GPATCH2: variants seen among roughly 807,000 people sequenced by gnomAD.
The protein encoded by GPATCH2 is G patch domain-containing protein 2.
A neutral mutation model predicts 58.0 loss-of-function variants in GPATCH2; 51 were observed. The ratio of observed to expected loss-of-function variants is 0.88; its 90% CI spans 0.70 to 1.11. The LOEUF is 1.11. Among genes scored for constraint, GPATCH2 ranks in the 50% most tolerant of loss-of-function variants. GPATCH2 has a pLI of 0.00. For missense variants in GPATCH2, 625 were observed against 652.2 expected (o/e 0.96, Z 0.45); for synonymous variants, 222 against 218.5 (o/e 1.02, Z -0.14).
intron 8 of GPATCH2, among the ~76,000 whole-genome samples, chr1:217,491,049 T>A (rs1410366032): frequency 6.6e-6 from 1 of 152,222 alleles, no homozygotes; most frequent in Non-Finnish European, 1.5e-5. Context: ...AGGTCAGTTA[T>A]CTGTTCTTAA....
At chr1:217,520,751 A>G (rs1663411009) in intron 5 of GPATCH2, among the ~76,000 whole-genome samples, 1 of 152,190 alleles carries the variant, frequency 6.6e-6, no homozygotes, top group Non-Finnish European at 1.5e-5. Flanking sequence ...ATGATCACAA[A>G]AGATATATCA....
intron 5 of GPATCH2, among the ~76,000 whole-genome samples, chr1:217,588,620 T>A (rs1275433759): frequency 1.3e-5 from 2 of 152,092 alleles, no homozygotes; most frequent in Admixed American, 1.3e-4. Flanking sequence ...AAAAATAAAA[T>A]AAATAGTGCA....
chr1:217,514,285 G>A (rs1451356690), intron 6 of GPATCH2, among the ~76,000 whole-genome samples: 1 of 151,450 alleles, frequency 6.6e-6, no homozygotes, highest in Non-Finnish European at 1.5e-5. Flanking sequence ...TCAGCCTCCT[G>A]AGTAGCTGGG....
chr1:217,539,699 G>A (rs1400780455), intron 5 of GPATCH2, among the ~76,000 whole-genome samples: 1 of 152,090 alleles, frequency 6.6e-6, no homozygotes, highest in Non-Finnish European at 1.5e-5. Context: ...TAATAAATCT[G>A]AAACAAGGCA....
intron 5 of GPATCH2, among the ~76,000 whole-genome samples, chr1:217,584,765 T>C (rs1343864350): frequency 6.6e-6 from 1 of 151,978 alleles, no homozygotes; most frequent in Non-Finnish European, 1.5e-5. Context: ...AAAAAAACTT[T>C]TAAAATGTTA....
chr1:217,586,994 A>G (rs1667371048), intron 5 of GPATCH2, among the ~76,000 whole-genome samples: 1 of 152,170 alleles, frequency 6.6e-6, no homozygotes, highest in Non-Finnish European at 1.5e-5. Context: ...CTTCTGGGAG[A>G]AGAGGTGATA....
At chr1:217,444,583 T>C (rs1419851623) in intron 9 of GPATCH2, among the ~76,000 whole-genome samples, 4 of 152,212 alleles carry the variant, frequency 2.6e-5, no homozygotes, top group Non-Finnish European at 4.4e-5. Context: ...CTGTACTGAA[T>C]GATAATGGAA....
At chr1:217,448,994 G>T (rs1021713651) in intron 9 of GPATCH2, among the ~76,000 whole-genome samples, 1 of 152,116 alleles carries the variant, frequency 6.6e-6, no homozygotes, top group Non-Finnish European at 1.5e-5. Context: ...TATAGCCTTT[G>T]AAGTTTTTGT....
At chr1:217,550,284 TAC>T (rs779266424) in intron 5 of GPATCH2, among the ~76,000 whole-genome samples, 9 of 152,130 alleles carry the variant, frequency 5.9e-5, no homozygotes, top group Non-Finnish European at 1.2e-4. Flanking sequence ...ACCAAAGACC[TAC>T]CACATAGTAA....
chr1:217,608,568 C>A (rs1424218647), intron 5 of GPATCH2: 3 of 985,096 alleles, frequency 3.0e-6, no homozygotes, highest in African/African-American at 1.7e-5. Flanking sequence ...CAAATCCCAG[C>A]TATGCTCAAG....
chr1:217,550,516 CATT>C (rs1220000867), intron 5 of GPATCH2, among the ~76,000 whole-genome samples: 3 of 151,812 alleles, frequency 2.0e-5, no homozygotes, highest in African/African-American at 7.3e-5. Context: ...ATGCTATCAT[CATT>C]AATTAAAATT....
chr1:217,502,966 C>T (rs1305232276), intron 6 of GPATCH2, among the ~76,000 whole-genome samples: 5 of 152,092 alleles, frequency 3.3e-5, no homozygotes, highest in African/African-American at 1.2e-4. Flanking sequence ...TTCTACCTGC[C>T]TGTTTAGGTA....
intron 5 of GPATCH2, among the ~76,000 whole-genome samples, chr1:217,515,251 A>C (rs1447900707): frequency 6.6e-6 from 1 of 151,598 alleles, no homozygotes; most frequent in Non-Finnish European, 1.5e-5. Context: ...ACCCGCCACC[A>C]CGCCCGGCTA....
intron 5 of GPATCH2, among the ~76,000 whole-genome samples, chr1:217,539,819 G>A (rs1664646721): frequency 6.6e-6 from 1 of 152,094 alleles, no homozygotes; most frequent in Non-Finnish European, 1.5e-5. Flanking sequence ...TCAATGCATA[G>A]GAAACAATGG....
intron 5 of GPATCH2, among the ~76,000 whole-genome samples, chr1:217,550,358 C>T (rs1293929242): frequency 6.6e-6 from 1 of 152,054 alleles, no homozygotes; most frequent in Non-Finnish European, 1.5e-5. Context: ...AACCTACCTG[C>T]TCAGTGCTGA....
chr1:217,588,035 A>G (rs1667419213), intron 5 of GPATCH2, among the ~76,000 whole-genome samples: 2 of 152,156 alleles, frequency 1.3e-5, no homozygotes, highest in Non-Finnish European at 2.9e-5. Flanking sequence ...AGCTTTCTAG[A>G]CAGGTGACTA....
Position 217,626,985 on chromosome 1 carries a change from GAAA to G in GPATCH2, c.56+3928_56+3930del, listed in dbSNP as rs139150734. 3.4e-5 allele frequency among the ~76,000 whole-genome samples: 5 copies of G among 145,202 alleles called. No individual in the cohort carries two copies. In the Admixed American group the frequency reaches 3.4e-4, roughly 10 times the overall value. ...TAAATAGGAAACACCATTCTCTAGG[GAAA>G]AAAAAAAGGCTGGGAGAAAACTACA... is the stretch of plus-strand genomic sequence containing the variant. On this transcript the variant is annotated intron_variant, in intron 1 of 9. Transcript: ENST00000366935.
At chr1:217,571,703 C>CAA (rs11463536) in intron 5 of GPATCH2, among the ~76,000 whole-genome samples, 12,116 of 73,464 alleles carry the variant, frequency 0.16, 1,172 homozygotes, top group Non-Finnish European at 0.22. Flanking sequence ...AAAACGAAAC[C>CAA]AAAAAAAAAA....
intron 3 of GPATCH2, among the ~76,000 whole-genome samples, chr1:217,613,562 G>A (rs1668738180): frequency 6.6e-6 from 1 of 151,892 alleles, no homozygotes; most frequent in Non-Finnish European, 1.5e-5. Flanking sequence ...CCCTTATTAA[G>A]GTTTTTTTAA....
Sources: gnomAD v4.1 joint callset for allele counts (sites outside exome capture counted in the v4.1 genomes callset) on GRCh38, gnomAD v4.1.1 for gene constraint, MANE v1.5 for transcripts, NCBI Gene and HGNC (gene_info 2026-07-23, HGNC 2026-07-21) for gene names.